Variants in HDAC8 observed in about 807,000 individuals in gnomAD.
HDAC8 encodes histone deacetylase 8.
In HDAC8, 1 loss-of-function variant was observed where a neutral mutation model predicts 32.2. The ratio of observed to expected loss-of-function variants is 0.03; its 90% CI spans 0.01 to 0.15. HDAC8 has a LOEUF of 0.15. HDAC8 is among the 10% of genes least tolerant of loss of function. The probability of loss-of-function intolerance (pLI) is 1.00; values close to 1 mark genes in which losing one functional copy is unlikely to be tolerated. For missense variants in HDAC8, 117 were observed against 300.0 expected (o/e 0.39, Z 4.51); for synonymous variants, 108 against 113.9 (o/e 0.95, Z 0.33).
chrX:72,337,679 C>G (rs2043743410), intron 10 of HDAC8, among the ~76,000 whole-genome samples: 1 of 111,378 alleles, frequency 9.0e-6, no homozygotes, highest in Non-Finnish European at 1.9e-5. Context: ...ACCCTGTTCT[C>G]TATATAGCAG....
rs2148131378 is a variant in HDAC8 at position 72,490,909 on chromosome X, C to T, written c.628+20G>A. 1.2e-5 allele frequency: 14 copies of T among 1,121,175 alleles called. No homozygotes were observed. Among genetic ancestry groups the T allele is most frequent in the Non-Finnish European group, 1.7e-5 (14 of 813,964 alleles). The allele number at this position is 1,121,175 out of a possible 1,213,427, so 92.4% of individuals were successfully genotyped here. A position where few individuals can be genotyped will look rare whatever the true frequency, so the allele number is the denominator to read the frequency against. ...CAGTATTTAGTCATCAAATGTAATA[C>T]TGAGTTTATGATCACTTGCCTGGGA... is the stretch of plus-strand genomic sequence containing the variant. On this transcript the variant is annotated intron_variant, in intron 6 of 10. Transcript: ENST00000373573.
intron 9 of HDAC8, among the ~76,000 whole-genome samples, chrX:72,404,749 G>A (rs970967911): frequency 9.1e-6 from 1 of 110,421 alleles, no homozygotes; most frequent in Non-Finnish European, 1.9e-5. Context: ...CAGTCTAATT[G>A]TTCTTTTGTT....
At chrX:72,450,344 T>A (rs1250942781) in intron 9 of HDAC8, among the ~76,000 whole-genome samples, 1 of 112,184 alleles carries the variant, frequency 8.9e-6, no homozygotes, top group Non-Finnish European at 1.9e-5. Context: ...ACGACGGTAG[T>A]AGTTACATCA....
At chrX:72,481,547 G>T (rs186335231) in intron 7 of HDAC8, among the ~76,000 whole-genome samples, 3 of 110,709 alleles carry the variant, frequency 2.7e-5, no homozygotes, top group Non-Finnish European at 5.7e-5. Context: ...ACATCACCAG[G>T]CCTAAAGGAG....
At chrX:72,365,457 G>T (rs1194797991) in intron 9 of HDAC8, among the ~76,000 whole-genome samples, 1 of 111,437 alleles carries the variant, frequency 9.0e-6, no homozygotes. Flanking sequence ...CATTTCTCAA[G>T]GGAAATTCTG....
At chrX:72,450,275 G>A (rs1364751559) in intron 9 of HDAC8, among the ~76,000 whole-genome samples, 2 of 112,069 alleles carry the variant, frequency 1.8e-5, no homozygotes, top group Non-Finnish European at 3.8e-5. Context: ...AGGCAGCAGT[G>A]GCTATAAAAG....
At position 72,374,741 on chromosome X, in the gene HDAC8, T is replaced by A. The variant is rs1465894247; in HGVS notation, c.1006-22903A>T. Among the ~76,000 whole-genome samples, 6 of 107,739 alleles carry A rather than the reference T, an allele frequency of 5.6e-5. No homozygotes were observed. In the South Asian group the frequency reaches 1.1e-3, roughly 20 times the overall value. 93.6% of individuals were successfully genotyped at this position (107,739 alleles called of 115,157 possible). ...ATTTGCAAATATTTTGATTCACAAA[T>A]TTTTTTTCCCCATTCTGTGAGTTGT... On this transcript the variant is annotated intron_variant, in intron 9 of 10. Coordinates refer to ENST00000373573, the MANE Select transcript of HDAC8 (RefSeq NM_018486.3).
intron 2 of HDAC8, among the ~76,000 whole-genome samples, chrX:72,571,516 CT>C (rs1284158122): frequency 9.3e-6 from 1 of 107,402 alleles, no homozygotes; most frequent in African/African-American, 3.4e-5. Context: ...TTCCACTCCC[CT>C]GTCCCAAGTT....
intron 10 of HDAC8, among the ~76,000 whole-genome samples, chrX:72,347,020 C>T (rs144211215): frequency 9.0e-4 from 100 of 111,285 alleles, no homozygotes; most frequent in African/African-American, 3.2e-3. Flanking sequence ...GTCAAACAGC[C>T]TGACTCTGAA....
intron 4 of HDAC8, among the ~76,000 whole-genome samples, chrX:72,521,614 G>A (rs1210330217): frequency 9.0e-6 from 1 of 111,142 alleles, no homozygotes; most frequent in Non-Finnish European, 1.9e-5. Context: ...AAACACATAG[G>A]AGCCAGCTCA....
chrX:72,394,500 G>T (rs1461516654), intron 9 of HDAC8, among the ~76,000 whole-genome samples: 1 of 112,426 alleles, frequency 8.9e-6, no homozygotes, highest in African/African-American at 3.2e-5. Flanking sequence ...GTACTTTACA[G>T]TTTATAAATC....
intron 9 of HDAC8, among the ~76,000 whole-genome samples, chrX:72,419,725 G>A (rs2046435210): frequency 1.8e-5 from 2 of 111,355 alleles, no homozygotes; most frequent in Admixed American, 9.5e-5. Flanking sequence ...CATTGAGTAT[G>A]ACATTAGCTG....
At chrX:72,420,448 G>A (rs1254037375) in intron 9 of HDAC8, among the ~76,000 whole-genome samples, 1 of 111,916 alleles carries the variant, frequency 8.9e-6, no homozygotes, top group Non-Finnish European at 1.9e-5. Flanking sequence ...TGACAGTAAT[G>A]TCCCCACTTT....
At chrX:72,542,759 A>G (rs1262056026) in intron 4 of HDAC8, among the ~76,000 whole-genome samples, 3 of 112,275 alleles carry the variant, frequency 2.7e-5, no homozygotes, top group Admixed American at 9.4e-5. Flanking sequence ...TCAAAGGTTT[A>G]TAAAGAGTCC....
rs186957754 is a variant in HDAC8 at position 72,565,105 on chromosome X, C to T, written c.437+2784G>A. 4.9e-3 allele frequency among the ~76,000 whole-genome samples: 549 copies of T among 111,836 alleles called. 6 individuals carry two copies. The highest frequency in any genetic ancestry group is 9.3e-3 in the Middle Eastern group (2 of 216). On this transcript the variant is annotated intron_variant, in intron 4 of 10. Transcript: ENST00000373573. Reference sequence around the variant, plus strand: ...ACCTGGATATTTTGAAATAAAGAATCTTTTTCAAACTTGGTAGGGGAAACA... The same window carrying T: ...ACCTGGATATTTTGAAATAAAGAATTTTTTTCAAACTTGGTAGGGGAAACA...
intron 4 of HDAC8, among the ~76,000 whole-genome samples, chrX:72,532,388 C>A (rs2050377707): frequency 9.4e-6 from 1 of 106,844 alleles, no homozygotes; most frequent in African/African-American, 3.4e-5. Flanking sequence ...GCCATTGCAT[C>A]TGGCCAGCTG....
chrX:72,460,014 T>C (rs1188432693), intron 9 of HDAC8, among the ~76,000 whole-genome samples: 2 of 112,267 alleles, frequency 1.8e-5, no homozygotes, highest in African/African-American at 6.5e-5. Context: ...TCACATCTCT[T>C]AAACCAGAAG....
intron 4 of HDAC8, among the ~76,000 whole-genome samples, chrX:72,532,942 C>A (rs1046588686): frequency 9.0e-6 from 1 of 111,680 alleles, no homozygotes; most frequent in East Asian, 2.8e-4. Flanking sequence ...AAGCCTAACC[C>A]AGGTCACAAA....
chrX:72,485,809 G>C (rs1396672611), intron 7 of HDAC8, among the ~76,000 whole-genome samples: 1 of 111,765 alleles, frequency 8.9e-6, no homozygotes, highest in Non-Finnish European at 1.9e-5. Context: ...CAGAGAACCA[G>C]TGGGGTCATG....
Sources: gnomAD v4.1 joint callset for allele counts (sites outside exome capture counted in the v4.1 genomes callset) on GRCh38, gnomAD v4.1.1 for gene constraint, MANE v1.5 for transcripts, NCBI Gene and HGNC (gene_info 2026-07-23, HGNC 2026-07-21) for gene names.